Variants in ATP2A2 observed in about 807,000 individuals in gnomAD.
ATP2A2 encodes ATPase sarcoplasmic/endoplasmic reticulum Ca2+ transporting 2.
In ATP2A2, 14 loss-of-function variants were observed where a neutral mutation model predicts 109.3. The observed-to-expected ratio is 0.13, with a 90% CI of 0.08 to 0.20. The LOEUF is 0.20. Among genes scored for constraint, ATP2A2 ranks in the 10% least tolerant of loss-of-function variants. The pLI, the probability that ATP2A2 is intolerant of heterozygous loss-of-function variation, is 1.00. For missense variants in ATP2A2, 657 were observed against 1,321.6 expected, an observed-to-expected ratio of 0.50 and a Z score of 7.80; for synonymous variants, 506 against 490.9, an observed-to-expected ratio of 1.03 and a Z score of -0.41.
At chr12:110,284,583 A>G (rs191437886) in intron 3 of ATP2A2, among the ~76,000 whole-genome samples, 332 of 152,136 alleles carry the variant, frequency 2.2e-3, no homozygotes, top group African/African-American at 7.3e-3. Flanking sequence ...TTCATTTTTT[A>G]CTTTGAAGTA....
Position 110,340,642 on chromosome 12 carries a change from T to G in ATP2A2, c.1762-17T>G. 1 of 1,613,854 alleles carries G rather than the reference T, an allele frequency of 6.2e-7. No individual in the cohort carries two copies. The highest frequency in any genetic ancestry group is 8.5e-7 in the Non-Finnish European group (1 of 1,179,766). On this transcript the variant is annotated splice_polypyrimidine_tract_variant and intron_variant, in intron 13 of 19. Transcript: ENST00000539276. The surrounding 1 kb of genome is among the most constrained non-coding windows in gnomAD (Gnocchi z 6.0). ...TAGAACTTGCCACTTTTATTTAAAG[T>G]GATGCTCTTATTTTAGACCAATCTG... is the stretch of plus-strand genomic sequence containing the variant.
intron 11 of ATP2A2, 73 bp downstream of exon 11, chr12:110,334,216 T>C: frequency 6.4e-7 from 1 of 1,570,956 alleles, no homozygotes; most frequent in Non-Finnish European, 8.7e-7. Flanking sequence ...GTCTGCACTG[T>C]CCTACTCTCT....
At chr12:110,287,282 A>G (rs1312093438) in intron 3 of ATP2A2, among the ~76,000 whole-genome samples, 2 of 152,086 alleles carry the variant, frequency 1.3e-5, no homozygotes, top group African/African-American at 4.8e-5. Context: ...GCTTTAGTAT[A>G]CTTATCAGAA....
intron 3 of ATP2A2, among the ~76,000 whole-genome samples, chr12:110,289,816 AAG>A (rs1420714347): frequency 6.6e-6 from 1 of 152,216 alleles, no homozygotes; most frequent in African/African-American, 2.4e-5. Flanking sequence ...TTTCCACAAA[AAG>A]AGGTTTTTAA....
In ATP2A2 at chr12:110,349,002, G is replaced by C. The variant is rs1363062451; in HGVS notation, c.*2532G>C. 1 of 985,324 alleles carries C rather than the reference G, an allele frequency of 1.0e-6. No homozygotes were observed. Among genetic ancestry groups the C allele is most frequent in the Non-Finnish European group, 1.2e-6 (1 of 829,986 alleles). The allele number at this position is 985,324 out of a possible 1,614,324, so 61.0% of individuals were successfully genotyped here. On this transcript the variant is annotated 3_prime_UTR_variant, in exon 20 of 20. Coordinates refer to ENST00000539276, the MANE Select transcript of ATP2A2 (RefSeq NM_170665.4). ...TTACAAAAAAAGTTGAGTAGTGTGT[G>C]GCCTGCTGTCGCACAGCCCCTAGTT...
intron 5 of ATP2A2, among the ~76,000 whole-genome samples, chr12:110,305,783 T>G (rs766962172): frequency 1.5e-4 from 23 of 152,184 alleles, no homozygotes; most frequent in Non-Finnish European, 2.4e-4. Context: ...GCTGGTATTT[T>G]CAGTAAGAAT....
intron 5 of ATP2A2, among the ~76,000 whole-genome samples, chr12:110,315,757 G>A (rs1376696272): frequency 1.3e-5 from 2 of 152,112 alleles, no homozygotes; most frequent in Middle Eastern, 3.2e-3. Flanking sequence ...CCTGGCCAAC[G>A]TGGTGAAACC....
Position 110,348,742 on chromosome 12 carries a change from C to T in ATP2A2, c.*2272C>T, listed in dbSNP as rs1880120786. 2 of 985,382 alleles carry T rather than the reference C, an allele frequency of 2.0e-6. No individual in the cohort carries two copies. The highest frequency in any genetic ancestry group is 1.2e-6 in the Non-Finnish European group (1 of 829,964). The allele number at this position is 985,382 out of a possible 1,614,324, so 61.0% of individuals were successfully genotyped here. ...TTACTGTGAAGCCTCCAAGGCTGCT[C>T]GCAGGCAGCTGTGGCTCTCGGGAAG... is the stretch of plus-strand genomic sequence containing the variant. On this transcript the variant is annotated 3_prime_UTR_variant, in exon 20 of 20. Transcript: ENST00000539276.
At chr12:110,299,796 A>AT (rs1314935039) in intron 5 of ATP2A2, among the ~76,000 whole-genome samples, 7 of 151,528 alleles carry the variant, frequency 4.6e-5, no homozygotes, top group Admixed American at 2.6e-4. Context: ...TAAGTTTTGT[A>AT]TTTTTTTTGT....
Position 110,343,159 on chromosome 12 carries a change from T to G in ATP2A2, c.2319-73T>G, listed in dbSNP as rs7962121. 13,548 of 1,484,872 alleles carry G rather than the reference T, an allele frequency of 9.1e-3. 74 individuals are homozygous for G. Among genetic ancestry groups the G allele is most frequent in the Non-Finnish European group, 9.9e-3 (10,519 of 1,064,914 alleles). 92.0% of individuals were successfully genotyped at this position (1,484,872 alleles called of 1,614,324 possible). On this transcript the variant is annotated intron_variant, in intron 15 of 19. Transcript: ENST00000539276. ...ATTTATTTTTCTGGAGGAGGGCGGG[T>G]TGATGATGCTCTTTAAATAGTGGCC...
At chr12:110,311,832 G>GTT (rs1472160264) in intron 5 of ATP2A2, among the ~76,000 whole-genome samples, 1 of 151,688 alleles carries the variant, frequency 6.6e-6, no homozygotes, top group Non-Finnish European at 1.5e-5. Context: ...GAGCCCAGGA[G>GTT]TTTGAGACCA....
rs1592869514 is a variant in ATP2A2, at chr12:110,346,360, T to C, written c.3019T>C (p.Phe1007Leu). The C allele has an allele frequency of 5.6e-6, 9 of 1,614,088 alleles. No individual in the cohort carries two copies. In the African/African-American group the frequency reaches 1.1e-4, roughly 19 times the overall value. The change falls in exon 20 of 20, where the codon TTC becomes CTC. Residue 1007 changes from phenylalanine to leucine, a missense_variant. Phe to Leu is a conservative substitution (Grantham distance 22). Around this residue, in one of 9 missense-constraint regions of ATP2A2, gnomAD observed 53 missense variants for 61.2 expected, o/e 0.87. Coordinates refer to ENST00000539276, the MANE Select transcript of ATP2A2 (RefSeq NM_170665.4). ...GCAGCCTGCCACCAAATCCTGCTCG[T>C]TCTCGGCATGCACCGATGGGATTTC... ...CVQPATKSCS[F>L]SACTDGISWP...
rs1467618023 is a variant in ATP2A2 at position 110,333,213 on chromosome 12, A to C, written c.1217A>C (p.Gln406Pro). The C allele has an allele frequency of 5.6e-6, 9 of 1,614,002 alleles. No individual in the cohort carries two copies. Among genetic ancestry groups the C allele is most frequent in the Middle Eastern group, 1.6e-4 (1 of 6,084 alleles). Residue 406 changes from glutamine to proline, a missense_variant, in exon 10 of 20, where the codon CAG (glutamine) becomes CCG (proline). Physicochemically the swap from Gln to Pro is moderately conservative, Grantham distance 76. Transcript: ENST00000539276. ...HKDDKPVNCH[Q>P]YDGLVELATI... ...GATGATAAACCAGTGAATTGTCACCAGTATGATGGTCTGGTAGAATTAGCA... is the reference window on the plus strand; with the variant it reads ...GATGATAAACCAGTGAATTGTCACCCGTATGATGGTCTGGTAGAATTAGCA...
At chr12:110,293,856 G>GTGTGTGTGTA (rs1315219943) in intron 4 of ATP2A2, among the ~76,000 whole-genome samples, 2 of 123,926 alleles carry the variant, frequency 1.6e-5, no homozygotes, top group East Asian at 4.2e-4. Flanking sequence ...GTGTGTGTGT[G>GTGTGTGTGTA]TGTGTGTGTA....
chr12:110,321,048 GA>G (rs1220559632), intron 5 of ATP2A2, among the ~76,000 whole-genome samples: 2 of 152,174 alleles, frequency 1.3e-5, no homozygotes, highest in African/African-American at 4.8e-5. Flanking sequence ...CTAACATAGT[GA>G]AACGCTATCT....
chr12:110,339,967 T>G lies in ATP2A2; in HGVS notation c.1761+246T>G, dbSNP rs918063839. ...CAAAGTAGAATAATCAAGATGAGCT[T>G]AAGCTTGTAAACCCCATTTTGCCTC... On this transcript the variant is annotated intron_variant, in intron 13 of 19. Coordinates refer to ENST00000539276, the MANE Select transcript of ATP2A2 (RefSeq NM_170665.4). This position sits in a 1 kb window ranked among gnomAD's most constrained non-coding sequence, Gnocchi z 4.4. Among the ~76,000 whole-genome samples the G allele has an allele frequency of 2.0e-5, 3 of 152,238 alleles. No homozygotes were observed. Among genetic ancestry groups the G allele is most frequent in the African/African-American group, 7.2e-5 (3 of 41,464 alleles).
At chr12:110,318,620 C>T (rs1876914646) in intron 5 of ATP2A2, among the ~76,000 whole-genome samples, 2 of 152,072 alleles carry the variant, frequency 1.3e-5, no homozygotes, top group South Asian at 2.1e-4. Flanking sequence ...ATTGCAGGCA[C>T]CCACCACCAC....
chr12:110,282,719 C>A lies in ATP2A2; in HGVS notation c.143C>A (p.Thr48Asn). ...ATGTGTTTGTTTCTTACAGGAAAAA[C>A]CTTGCTGGAACTTGTGATTGAGCAG... ...SNELPAEEGKTLLELVIEQFE... is the reference protein window; with the variant it reads ...SNELPAEEGKNLLELVIEQFE... Residue 48 changes from threonine (T) to asparagine (N), a missense_variant, in exon 3 of 20, where the codon ACC (threonine) becomes AAC (asparagine). This residue lies in a region of ATP2A2 where 64 missense variants were observed against 65.4 expected (regional missense o/e 0.98). Transcript: ENST00000539276. 1 of 1,613,952 alleles carries A rather than the reference C, an allele frequency of 6.2e-7. No individual in the cohort carries two copies. The highest frequency in any genetic ancestry group is 2.2e-5 in the East Asian group (1 of 44,866).
At chr12:110,332,079 G>GGTGT in intron 8 of ATP2A2, 1 of 186,708 alleles carries the variant, frequency 5.4e-6, no homozygotes, top group Non-Finnish European at 1.1e-5. Context: ...GGAAGGAGCA[G>GGTGT]AGAAGCAGTT....
Sources: allele counts gnomAD v4.1 joint callset (sites outside exome capture counted in the v4.1 genomes callset), GRCh38; gene constraint gnomAD v4.1.1; regional missense constraint gnomAD v4.1.1; non-coding constraint Gnocchi (gnomAD v3.1); transcripts MANE v1.5; gene names NCBI Gene and HGNC (gene_info 2026-07-23, HGNC 2026-07-21).